The following MAGI2 variants were observed in gnomAD, a reference collection of about 807,000 sequenced individuals.
MAGI2 encodes the protein membrane-associated guanylate kinase, WW and PDZ domain-containing protein 2.
MAGI2 carries 35 observed loss-of-function variants against 133.3 expected under a neutral mutation model. The observed-to-expected ratio is 0.26, with a 90% confidence interval of 0.20 to 0.35. The LOEUF is 0.35. Ranked by LOEUF, MAGI2 falls within the 10% of genes least tolerant of loss-of-function variation. The probability of loss-of-function intolerance (pLI) is 1.00; values close to 1 mark genes in which losing one functional copy is unlikely to be tolerated. For synonymous variants in MAGI2, 729 were observed against 710.6 expected, an observed-to-expected ratio of 1.03 and a Z score of -0.41; for missense variants, 1,636 against 1,863.4, an observed-to-expected ratio of 0.88 and a Z score of 2.25.
intron 5 of MAGI2, among the ~76,000 whole-genome samples, chr7:78,495,698 ATT>A (rs1341954147): frequency 6.6e-6 from 1 of 152,030 alleles, no homozygotes; most frequent in African/African-American, 2.4e-5. Context: ...TTTTCCTACA[ATT>A]TCTCTTAAGC....
intron 1 of MAGI2, among the ~76,000 whole-genome samples, chr7:79,261,739 C>T (rs1275732514): frequency 6.6e-6 from 1 of 152,116 alleles, no homozygotes; most frequent in Non-Finnish European, 1.5e-5. Flanking sequence ...AATGTTTACA[C>T]AAAATACAAT....
intron 2 of MAGI2, among the ~76,000 whole-genome samples, chr7:78,702,504 C>A (rs1818183777): frequency 1.3e-5 from 2 of 151,910 alleles, no homozygotes; most frequent in Non-Finnish European, 2.9e-5. Flanking sequence ...TAGCACCTTC[C>A]TCACTGGTTA....
At chr7:78,447,299 C>T (rs908636125) in intron 6 of MAGI2, among the ~76,000 whole-genome samples, 1 of 151,490 alleles carries the variant, frequency 6.6e-6, no homozygotes, top group Admixed American at 6.6e-5. Context: ...TTGGCATATT[C>T]CTCACCTCAT....
chr7:78,786,236 A>G (rs1171253766), intron 2 of MAGI2, among the ~76,000 whole-genome samples: 2 of 152,104 alleles, frequency 1.3e-5, no homozygotes, highest in Non-Finnish European at 2.9e-5. Context: ...AAAATAGATC[A>G]GCATCTAACC....
intron 2 of MAGI2, among the ~76,000 whole-genome samples, chr7:78,890,585 G>C (rs558177667): frequency 6.6e-6 from 1 of 151,940 alleles, no homozygotes; most frequent in Non-Finnish European, 1.5e-5. Context: ...ACTCAAAACC[G>C]CTCAACTACA....
At chr7:78,896,960 T>G (rs898273699) in intron 2 of MAGI2, among the ~76,000 whole-genome samples, 1 of 152,184 alleles carries the variant, frequency 6.6e-6, no homozygotes, top group African/African-American at 2.4e-5. Flanking sequence ...CTAAGTAGTT[T>G]TGTTTAAAAT....
intron 2 of MAGI2, among the ~76,000 whole-genome samples, chr7:78,764,921 T>G (rs150173141): frequency 6.6e-6 from 1 of 152,158 alleles, no homozygotes; most frequent in Non-Finnish European, 1.5e-5. Context: ...ACCAGCTTAG[T>G]TAGCAAAGCA....
At chr7:79,407,802 G>GAA (rs553484113) in intron 1 of MAGI2, among the ~76,000 whole-genome samples, 1 of 146,194 alleles carries the variant, frequency 6.8e-6, no homozygotes, top group Admixed American at 6.8e-5. Context: ...AGTTAGTTTT[G>GAA]AAAAAAAAAA....
chr7:78,149,393 G>C (rs1823643529), intron 16 of MAGI2, among the ~76,000 whole-genome samples: 3 of 152,154 alleles, frequency 2.0e-5, no homozygotes, highest in Admixed American at 6.5e-5. Flanking sequence ...ATTCCGCTAG[G>C]ATATGAATGT....
At chr7:78,466,008 A>G (rs1790588974) in intron 6 of MAGI2, among the ~76,000 whole-genome samples, 1 of 152,188 alleles carries the variant, frequency 6.6e-6, no homozygotes, top group East Asian at 1.9e-4. Context: ...TCTAAATATT[A>G]TCCTGACCTC....
At chr7:79,301,534 T>C (rs559074018) in intron 1 of MAGI2, among the ~76,000 whole-genome samples, 1 of 152,344 alleles carries the variant, frequency 6.6e-6, no homozygotes, top group South Asian at 2.1e-4. Flanking sequence ...GTACTCCCAT[T>C]GTATCTTGGG....
At chr7:78,468,296 A>T (rs1457511578) in intron 6 of MAGI2, among the ~76,000 whole-genome samples, 1 of 152,150 alleles carries the variant, frequency 6.6e-6, no homozygotes, top group African/African-American at 2.4e-5. Context: ...TTTCTTTCTC[A>T]GGGGATGCAA....
intron 10 of MAGI2, among the ~76,000 whole-genome samples, chr7:78,240,779 G>C (rs1391937300): frequency 6.6e-6 from 1 of 151,992 alleles, no homozygotes; most frequent in East Asian, 1.9e-4. Flanking sequence ...GCTAAGAGTG[G>C]ACATTAAATG....
chr7:78,674,765 T>A (rs1814805975), intron 2 of MAGI2, among the ~76,000 whole-genome samples: 1 of 152,132 alleles, frequency 6.6e-6, no homozygotes. Flanking sequence ...GAGAGCCTAT[T>A]TTTAAAAGAC....
intron 6 of MAGI2, among the ~76,000 whole-genome samples, chr7:78,443,760 A>G (rs968295385): frequency 6.6e-5 from 10 of 152,158 alleles, no homozygotes; most frequent in Admixed American, 2.6e-4. Flanking sequence ...ACATCAGACT[A>G]TGCAGTCAAG....
chr7:78,491,507 C>A (rs573251757), intron 5 of MAGI2, among the ~76,000 whole-genome samples: 2 of 152,158 alleles, frequency 1.3e-5, no homozygotes, highest in South Asian at 4.2e-4. Context: ...ATGATAAATG[C>A]CTCTCAACAG....
Position 78,337,946 on chromosome 7 carries a change from T to A in MAGI2, c.1408+5832A>T, listed in dbSNP as rs139508178. Reference sequence around the variant, plus strand: ...CATCCAAGAAGTACTTATGAGCACCTGTTATTTGCCCAGCGCTGTTTTATG... The same window carrying A: ...CATCCAAGAAGTACTTATGAGCACCAGTTATTTGCCCAGCGCTGTTTTATG... On this transcript the variant is annotated intron_variant, in intron 9 of 21. Coordinates refer to ENST00000354212, the MANE Select transcript of MAGI2 (RefSeq NM_012301.4). 6.6e-3 allele frequency among the ~76,000 whole-genome samples: 994 copies of A among 151,738 alleles called. 10 individuals are homozygous for A. The highest frequency in any genetic ancestry group is 0.022 in the African/African-American group (923 of 41,378).
At chr7:78,836,824 G>A (rs1365312926) in intron 2 of MAGI2, among the ~76,000 whole-genome samples, 1 of 152,098 alleles carries the variant, frequency 6.6e-6, no homozygotes, top group Non-Finnish European at 1.5e-5. Context: ...CCTGTATGCC[G>A]ATGCCCATAA....
At chr7:78,450,172 A>G (rs1209158006) in intron 6 of MAGI2, among the ~76,000 whole-genome samples, 1 of 152,024 alleles carries the variant, frequency 6.6e-6, no homozygotes, top group East Asian at 1.9e-4. Flanking sequence ...CCATGTTATC[A>G]AATCATACTA....
Sources: gnomAD v4.1 joint callset for allele counts (sites outside exome capture counted in the v4.1 genomes callset) on GRCh38, gnomAD v4.1.1 for gene constraint, MANE v1.5 for transcripts, NCBI Gene and HGNC (gene_info 2026-07-23, HGNC 2026-07-21) for gene names.